Variants in PDE4D observed in about 807,000 individuals in gnomAD.
PDE4D encodes the protein phosphodiesterase 4D.
PDE4D carries 24 observed loss-of-function variants against 87.4 expected under a neutral mutation model. The observed-to-expected ratio is 0.27, with a 90% CI of 0.20 to 0.39. The LOEUF is 0.39. Among genes scored for constraint, PDE4D ranks in the 10% least tolerant of loss-of-function variants. The pLI, the probability that PDE4D is intolerant of heterozygous loss-of-function variation, is 1.00. For synonymous variants in PDE4D, 384 were observed against 383.2 expected (o/e 1.00, Z -0.02); for missense variants, 714 against 1,041.0 (o/e 0.69, Z 4.32).
intron 1 of PDE4D, among the ~76,000 whole-genome samples, chr5:60,341,570 C>T (rs991078138): frequency 6.6e-6 from 1 of 152,174 alleles, no homozygotes; most frequent in African/African-American, 2.4e-5. Flanking sequence ...AGATTGTAGA[C>T]AAGCCAAATG....
chr5:59,023,025 A>T (rs1755502884), intron 6 of PDE4D, among the ~76,000 whole-genome samples: 1 of 152,120 alleles, frequency 6.6e-6, no homozygotes, highest in Non-Finnish European at 1.5e-5. Flanking sequence ...AATACAAAAA[A>T]TTAGCCAGGC....
At chr5:59,896,481 T>C (rs796294844), upstream of PDE4D, among the ~76,000 whole-genome samples, 7 of 152,280 alleles carry the variant, frequency 4.6e-5, no homozygotes, top group African/African-American at 1.7e-4. Context: ...TGAAGCAGGA[T>C]AGGGCTTGAG....
At chr5:59,271,818 A>G (rs919356893) in intron 1 of PDE4D, among the ~76,000 whole-genome samples, 47 of 152,104 alleles carry the variant, frequency 3.1e-4, no homozygotes, top group African/African-American at 1.1e-3. Context: ...AATATTTTAA[A>G]CTTTCATATA....
intron 6 of PDE4D, among the ~76,000 whole-genome samples, chr5:59,006,034 A>G (rs1486977459): frequency 6.6e-6 from 1 of 152,234 alleles, no homozygotes; most frequent in Non-Finnish European, 1.5e-5. Context: ...CCTGCCATAT[A>G]GTGAGACACG....
At chr5:59,877,067 C>T (rs765228589) in intron 1 of PDE4D, among the ~76,000 whole-genome samples, 2 of 152,110 alleles carry the variant, frequency 1.3e-5, no homozygotes, top group Non-Finnish European at 2.9e-5. Flanking sequence ...ATTTACAACT[C>T]TACATGAAAA....
chr5:60,516,555 G>A (rs1750809892), intron 1 of PDE4D, among the ~76,000 whole-genome samples: 1 of 152,216 alleles, frequency 6.6e-6, no homozygotes, highest in Middle Eastern at 3.2e-3. Flanking sequence ...ATTGAGAGGT[G>A]AGGAGAGCCA....
rs917494553 is a variant in PDE4D at position 60,280,355 on chromosome 5, A to T, written c.-89-94668T>A. Among the ~76,000 whole-genome samples the T allele has an allele frequency of 6.0e-5, 9 of 150,954 alleles. 1 individual carries two copies. Among genetic ancestry groups the T allele is most frequent in the African/African-American group, 2.2e-4 (9 of 41,330 alleles). ...ATATATACACACATATATATAAAAT[A>T]TCCAAGATTTTTAGTTGTATTTAGC... On this transcript the variant is annotated intron_variant, in intron 1 of 16. Coordinates refer to the PDE4D transcript ENST00000502484.
chr5:59,431,070 T>G (rs1796036981), intron 1 of PDE4D, among the ~76,000 whole-genome samples: 1 of 152,128 alleles, frequency 6.6e-6, no homozygotes, highest in Non-Finnish European at 1.5e-5. Flanking sequence ...AGCAATGTCT[T>G]TATTCACTAA....
At chr5:60,126,027 G>A (rs1439722307) in intron 2 of PDE4D, among the ~76,000 whole-genome samples, 4 of 152,192 alleles carry the variant, frequency 2.6e-5, no homozygotes, top group African/African-American at 9.6e-5. Flanking sequence ...TTGGGGGCAT[G>A]GTTCTTTTGA....
intron 1 of PDE4D, among the ~76,000 whole-genome samples, chr5:59,217,001 A>G (rs561144408): frequency 2.5e-3 from 382 of 152,286 alleles, no homozygotes; most frequent in Middle Eastern, 0.014. Flanking sequence ...CACATTGAAA[A>G]CTGTGCCCAA....
At chr5:60,477,640 G>A (rs1005907114) in intron 1 of PDE4D, among the ~76,000 whole-genome samples, 11 of 152,074 alleles carry the variant, frequency 7.2e-5, no homozygotes, top group African/African-American at 2.4e-4. Flanking sequence ...TCCTCCACTC[G>A]GACTCGGAGT....
chr5:59,043,476 T>C (rs1447301349), intron 5 of PDE4D, among the ~76,000 whole-genome samples: 3 of 152,108 alleles, frequency 2.0e-5, no homozygotes, highest in African/African-American at 7.2e-5. Flanking sequence ...TAAGCTGAGA[T>C]TGGGCCACTG....
chr5:59,096,990 C>T (rs982008739), intron 5 of PDE4D, among the ~76,000 whole-genome samples: 1 of 152,162 alleles, frequency 6.6e-6, no homozygotes, highest in Non-Finnish European at 1.5e-5. Flanking sequence ...TCTTTAAATT[C>T]ACTAGGGAGT....
chr5:59,598,171 T>C (rs928019797), intron 1 of PDE4D, among the ~76,000 whole-genome samples: 19 of 152,300 alleles, frequency 1.2e-4, no homozygotes, highest in Non-Finnish European at 2.4e-4. Flanking sequence ...TAATGTGATT[T>C]TATCTGTTGT....
At chr5:59,312,482 G>C (rs1334365123) in intron 1 of PDE4D, among the ~76,000 whole-genome samples, 1 of 152,136 alleles carries the variant, frequency 6.6e-6, no homozygotes, top group Non-Finnish European at 1.5e-5. Flanking sequence ...GTCTAATAGA[G>C]GTAATAAAAT....
Position 59,556,482 on chromosome 5 carries a change from T to C in PDE4D, c.455+336686A>G, listed in dbSNP as rs544614240. 6.6e-5 allele frequency among the ~76,000 whole-genome samples: 10 copies of C among 152,298 alleles called. No homozygotes were observed. In the East Asian group the frequency reaches 1.7e-3, roughly 26 times the overall value. On this transcript the variant is annotated intron_variant, in intron 1 of 14. Transcript: ENST00000340635. ...CATTCTTACCTTGGGAATTCTGCTT[T>C]GCTGTGAAGCAGTGGGTAAAGACAT...
At chr5:60,171,376 G>A (rs2910830) in intron 2 of PDE4D, among the ~76,000 whole-genome samples, 91,118 of 151,768 alleles carry the variant, frequency 0.6, 27,842 homozygotes, top group Admixed American at 0.64. Flanking sequence ...GCTGTTGTGC[G>A]TTTTCAGAAT....
chr5:60,341,093 A>G (rs555161820), intron 1 of PDE4D, among the ~76,000 whole-genome samples: 1 of 152,278 alleles, frequency 6.6e-6, no homozygotes, highest in East Asian at 1.9e-4. Flanking sequence ...AGTGAGTCAG[A>G]GCAATATCTT....
chr5:60,155,101 G>C (rs1179474238), intron 2 of PDE4D, among the ~76,000 whole-genome samples: 1 of 152,180 alleles, frequency 6.6e-6, no homozygotes, highest in Non-Finnish European at 1.5e-5. Flanking sequence ...AATTCTGTTT[G>C]AGATACATCT....
Sources: gnomAD v4.1 joint callset for allele counts (sites outside exome capture counted in the v4.1 genomes callset) on GRCh38, gnomAD v4.1.1 for gene constraint, MANE v1.5 for transcripts, NCBI Gene and HGNC (gene_info 2026-07-23, HGNC 2026-07-21) for gene names.